IGF1R: variants seen among roughly 807,000 people sequenced by gnomAD.
IGF1R encodes insulin like growth factor 1 receptor.
IGF1R carries 44 observed loss-of-function variants against 144.6 expected under a neutral mutation model. The observed-to-expected ratio is 0.30, with a 90% confidence interval of 0.24 to 0.39. The LOEUF (loss-of-function observed/expected upper bound fraction) is 0.39, where lower values mean the gene tolerates loss of function less well. Among genes scored for constraint, IGF1R ranks in the 10% least tolerant of loss-of-function variants. The pLI is 1.00. For missense variants in IGF1R, 1,355 were observed against 1,833.7 expected (o/e 0.74, Z 4.77); for synonymous variants, 795 against 722.8 (o/e 1.10, Z -1.60).
chr15:98,876,416 T>C (rs770347987), intron 2 of IGF1R, among the ~76,000 whole-genome samples: 15 of 151,720 alleles, frequency 9.9e-5, no homozygotes, highest in Non-Finnish European at 1.2e-4. Flanking sequence ...ATTGAGGAAA[T>C]GAGAGTTGCC....
chr15:98,871,610 G>GACTA (rs1479789228), intron 2 of IGF1R, among the ~76,000 whole-genome samples: 1 of 152,204 alleles, frequency 6.6e-6, no homozygotes, highest in South Asian at 2.1e-4. Context: ...TCATGTGACT[G>GACTA]GAGAGGCCTC....
In IGF1R at chr15:98,656,420, G is replaced by A. The variant is rs535807735; in HGVS notation, c.94+6745G>A. Among the ~76,000 whole-genome samples the A allele has an allele frequency of 3.9e-5, 6 of 152,292 alleles. No individual in the cohort carries two copies. In the South Asian group the frequency reaches 8.3e-4, roughly 21 times the overall value. ...CAGAATTAACCGGGCGTGGTGGCCC[G>A]TGCCTATAATCCCAGCTACGTGAGA... is the stretch of plus-strand genomic sequence containing the variant. On this transcript the variant is annotated intron_variant, in intron 1 of 20. Transcript: ENST00000650285.
At chr15:98,873,647 G>A (rs1692449392) in intron 2 of IGF1R, 1 of 152,140 alleles carries the variant, frequency 6.6e-6, no homozygotes, top group South Asian at 2.1e-4. Context: ...CATTTTTCTG[G>A]CAGTGGATTT....
In IGF1R at chr15:98,748,502, C is replaced by G. The variant is rs189270944; in HGVS notation, c.640+40395C>G. The stretch of plus-strand genomic sequence containing the variant: ...TGTACACTTTCACACCTTTTAATTT[C>G]TTTACTCATTAGGTGCATTCTTTAG... On this transcript the variant is annotated intron_variant, in intron 2 of 20. Transcript: ENST00000650285. 2.2e-4 allele frequency among the ~76,000 whole-genome samples: 33 copies of G among 152,266 alleles called. No homozygotes were observed. The East Asian group carries it at 6.4e-3, about 29-fold the overall frequency.
At chr15:98,735,121 G>T (rs1345467736) in intron 2 of IGF1R, among the ~76,000 whole-genome samples, 2 of 152,164 alleles carry the variant, frequency 1.3e-5, no homozygotes, top group Non-Finnish European at 2.9e-5. Context: ...TAACTGACTT[G>T]TCCCATGTCT....
At chr15:98,727,144 A>G (rs985318901) in intron 2 of IGF1R, among the ~76,000 whole-genome samples, 1 of 152,218 alleles carries the variant, frequency 6.6e-6, no homozygotes, top group African/African-American at 2.4e-5. Context: ...AATCTTGTAA[A>G]AATATCATTT....
In IGF1R at chr15:98,812,373, T is replaced by TTC. The variant is rs71287833; in HGVS notation, c.641-78952_641-78951insTC. Among the ~76,000 whole-genome samples the TTC allele has an allele frequency of 1.4e-4, 22 of 151,836 alleles. 1 individual carries two copies. The highest frequency in any genetic ancestry group is 5.3e-4 in the African/African-American group (22 of 41,218). The stretch of plus-strand genomic sequence containing the variant: ...TCTTGAAAAAGCTTTTTTTTTTTTT[T>TTC]CAAGGCAGAGTCTTACTCTGTCGCC... On this transcript the variant is annotated intron_variant, in intron 2 of 20. Coordinates refer to ENST00000650285, the MANE Select transcript of IGF1R (RefSeq NM_000875.5).
intron 2 of IGF1R, among the ~76,000 whole-genome samples, chr15:98,879,043 G>A (rs73463626): frequency 0.11 from 17,460 of 152,028 alleles, 2,336 homozygotes; most frequent in African/African-American, 0.32. Flanking sequence ...GCGACACTGT[G>A]TGTCCATGCG....
chr15:98,926,005 C>T (rs939646741), intron 13 of IGF1R, among the ~76,000 whole-genome samples: 1 of 150,994 alleles, frequency 6.6e-6, no homozygotes, highest in African/African-American at 2.4e-5. Context: ...TCAAACAGCT[C>T]TCTGCACTCC....
Position 98,907,801 on chromosome 15 carries a change from C to T in IGF1R, c.1248-884C>T, listed in dbSNP as rs1409835676. The stretch of plus-strand genomic sequence containing the variant: ...CTACTCGTGTGCACACCCTCTGGGG[C>T]AGAAGCCACGTCTGGTTTGGTGGGC... On this transcript the variant is annotated intron_variant, in intron 5 of 20. Coordinates refer to ENST00000650285, the MANE Select transcript of IGF1R (RefSeq NM_000875.5). Among the ~76,000 whole-genome samples, 4 of 152,226 alleles carry T rather than the reference C, an allele frequency of 2.6e-5. No homozygotes were observed. In the East Asian group the frequency reaches 5.8e-4, roughly 22 times the overall value.
intron 20 of IGF1R, among the ~76,000 whole-genome samples, chr15:98,949,140 A>T (rs2016673954): frequency 6.6e-6 from 1 of 152,190 alleles, no homozygotes; most frequent in African/African-American, 2.4e-5. Context: ...CGCCGCAGTG[A>T]GTGTGCACAC....
rs1218231023 is a variant in IGF1R, at chr15:98,845,515, CCTT to C, written c.641-45808_641-45806del. On this transcript the variant is annotated intron_variant, in intron 2 of 20. Coordinates refer to ENST00000650285, the MANE Select transcript of IGF1R (RefSeq NM_000875.5). Reference sequence around the variant, plus strand: ...CTTCCTTCTCCTCCTCCCTCCTCCTCCTTCCTCCTCCCCCTCCTTCCTCCTCCT... The same window carrying C: ...CTTCCTTCTCCTCCTCCCTCCTCCTCCCTCCTCCCCCTCCTTCCTCCTCCT... Among the ~76,000 whole-genome samples, 4 of 138,040 alleles carry C rather than the reference CCTT, an allele frequency of 2.9e-5. No individual in the cohort carries two copies. In the East Asian group the frequency reaches 9.2e-4, roughly 32 times the overall value. The allele number at this position is 138,040 out of a possible 152,430, so 90.6% of individuals were successfully genotyped here.
chr15:98,649,951 C>T (rs540989748), intron 1 of IGF1R, among the ~76,000 whole-genome samples: 11 of 152,298 alleles, frequency 7.2e-5, no homozygotes, highest in African/African-American at 2.6e-4. Flanking sequence ...GCCGTGTTTC[C>T]CGGCTAGGCG....
intron 2 of IGF1R, among the ~76,000 whole-genome samples, chr15:98,889,611 C>G (rs1322130297): frequency 6.6e-6 from 1 of 152,146 alleles, no homozygotes; most frequent in Non-Finnish European, 1.5e-5. Context: ...CAAAAGAAAG[C>G]TTTCAGAATG....
At chr15:98,806,361 G>A (rs1436081106) in intron 2 of IGF1R, among the ~76,000 whole-genome samples, 3 of 152,128 alleles carry the variant, frequency 2.0e-5, no homozygotes, top group Non-Finnish European at 2.9e-5. Flanking sequence ...GCTGTGTGGT[G>A]TCCAAGCTGA....
chr15:98,658,264 A>G (rs1184732672), intron 1 of IGF1R, among the ~76,000 whole-genome samples: 1 of 152,138 alleles, frequency 6.6e-6, no homozygotes, highest in Non-Finnish European at 1.5e-5. Flanking sequence ...TTCTCCTTCC[A>G]TCCTCAATAC....
chr15:98,806,495 A>C (rs1156921845), intron 2 of IGF1R, among the ~76,000 whole-genome samples: 1 of 152,176 alleles, frequency 6.6e-6, no homozygotes, highest in Non-Finnish European at 1.5e-5. Flanking sequence ...GATTAAAAAA[A>C]AAAAACAAAA....
At chr15:98,733,941 A>T (rs531237925) in intron 2 of IGF1R, among the ~76,000 whole-genome samples, 1 of 152,136 alleles carries the variant, frequency 6.6e-6, no homozygotes, top group Non-Finnish European at 1.5e-5. Flanking sequence ...ACAGGAGCTG[A>T]TATTACATAC....
intron 2 of IGF1R, among the ~76,000 whole-genome samples, chr15:98,835,161 ACCCACACACCTT>A (rs1415065080): frequency 6.9e-6 from 1 of 144,168 alleles, no homozygotes; most frequent in Non-Finnish European, 1.5e-5. Context: ...CCACCCCTAC[ACCCACACACCTT>A]CCCACACAAA....
Sources: allele counts gnomAD v4.1 joint callset (sites outside exome capture counted in the v4.1 genomes callset), GRCh38; gene constraint gnomAD v4.1.1; transcripts MANE v1.5; gene names NCBI Gene and HGNC (gene_info 2026-07-23, HGNC 2026-07-21).